Variants in CPHXL2 observed in about 807,000 individuals in gnomAD.
CPHXL2 encodes the protein cytoplasmic polyadenylated homeobox-like protein 2.
chr16:75,671,984 TTAATC>T, the CPHXL2 span, among the ~76,000 whole-genome samples: 1 of 151,898 alleles, frequency 6.6e-6, no homozygotes, highest in Non-Finnish European at 1.5e-5. Flanking sequence ...AAAAAACTCA[TTAATC>T]TAACGGGTGC....
chr16:75,665,789 G>T, the CPHXL2 span, among the ~76,000 whole-genome samples: 3 of 152,076 alleles, frequency 2.0e-5, no homozygotes, highest in African/African-American at 7.2e-5. Context: ...CACTGGAACC[G>T]GGGAGGAAGA....
the CPHXL2 span, among the ~76,000 whole-genome samples, chr16:75,662,462 T>A: frequency 6.6e-6 from 1 of 151,676 alleles, no homozygotes; most frequent in Non-Finnish European, 1.5e-5. Context: ...GGGCTGAAAG[T>A]CCCAACCCTC....
chr16:75,665,930 C>G, the CPHXL2 span, among the ~76,000 whole-genome samples: 1 of 152,148 alleles, frequency 6.6e-6, no homozygotes, highest in East Asian at 1.9e-4. Flanking sequence ...TACCTCACAT[C>G]TCAATACTAA....
chr16:75,663,255 C>T, the CPHXL2 span, among the ~76,000 whole-genome samples: 1 of 152,200 alleles, frequency 6.6e-6, no homozygotes, highest in Non-Finnish European at 1.5e-5. Context: ...CTTTGATCCA[C>T]ACACAGGATA....
the CPHXL2 span, among the ~76,000 whole-genome samples, chr16:75,667,236 C>T: frequency 2.7e-5 from 4 of 148,286 alleles, no homozygotes; most frequent in Admixed American, 6.8e-5. Flanking sequence ...TGCTTGAACC[C>T]GGGAGGTGGA....
chr16:75,664,624 T>G, the CPHXL2 span, among the ~76,000 whole-genome samples: 1 of 13,298 alleles, frequency 7.5e-5, no homozygotes, highest in African/African-American at 3.6e-4. Flanking sequence ...AAACTCCATC[T>G]CAAAAAAAAA....
At chr16:75,660,669 A>G in the CPHXL2 span, 2 of 398,464 alleles carry the variant, frequency 5.0e-6, no homozygotes, top group South Asian at 1.3e-4. Context: ...GTCTTTCTTC[A>G]CCCCGTAAGC....
the CPHXL2 span, among the ~76,000 whole-genome samples, chr16:75,662,560 A>G: frequency 1.3e-5 from 2 of 151,980 alleles, no homozygotes; most frequent in African/African-American, 4.8e-5. Context: ...AAAAAGACAT[A>G]GCTTTGGAGA....
the CPHXL2 span, among the ~76,000 whole-genome samples, chr16:75,667,759 T>G: frequency 7.9e-5 from 12 of 152,266 alleles, no homozygotes; most frequent in Admixed American, 2.0e-4. Flanking sequence ...AAATGTTCTC[T>G]TAGTATTTCC....
the CPHXL2 span, among the ~76,000 whole-genome samples, chr16:75,665,234 A>C: frequency 6.6e-6 from 1 of 152,232 alleles, no homozygotes; most frequent in African/African-American, 2.4e-5. Context: ...GCCATGAGAC[A>C]AAAGCACCAG....
chr16:75,661,050 G>A, the CPHXL2 span: 4 of 400,780 alleles, frequency 1.0e-5, no homozygotes, highest in Non-Finnish European at 1.8e-5. Flanking sequence ...CTCCAGAAGG[G>A]AGCAACCAGG....
At chr16:75,668,939 C>A in the CPHXL2 span, among the ~76,000 whole-genome samples, 1 of 152,038 alleles carries the variant, frequency 6.6e-6, no homozygotes, top group Non-Finnish European at 1.5e-5. Context: ...ATTTTGATTA[C>A]TCTCTCCCAT....
the CPHXL2 span, among the ~76,000 whole-genome samples, chr16:75,666,946 T>C: frequency 6.6e-6 from 1 of 151,992 alleles, no homozygotes; most frequent in Non-Finnish European, 1.5e-5. Context: ...ACCATGCAAA[T>C]ATATGGAAAT....
the CPHXL2 span, among the ~76,000 whole-genome samples, chr16:75,672,396 A>T: frequency 6.6e-6 from 1 of 152,142 alleles, no homozygotes; most frequent in Non-Finnish European, 1.5e-5. Flanking sequence ...ACTGTAAGAG[A>T]AGGGGCCACA....
the CPHXL2 span, among the ~76,000 whole-genome samples, chr16:75,663,021 C>T: frequency 5.9e-5 from 9 of 152,080 alleles, no homozygotes; most frequent in South Asian, 2.1e-4. Flanking sequence ...AGGATAGTCT[C>T]GATCTCCTGA....
At chr16:75,664,665 A>C in the CPHXL2 span, among the ~76,000 whole-genome samples, 1 of 151,314 alleles carries the variant, frequency 6.6e-6, no homozygotes, top group Non-Finnish European at 1.5e-5. Context: ...AACAAACAAA[A>C]CCCCAAAATC....
the CPHXL2 span, chr16:75,660,483 T>G: frequency 2.5e-6 from 1 of 398,630 alleles, no homozygotes; most frequent in Non-Finnish European, 4.4e-6. Flanking sequence ...CAGCTGTGAC[T>G]GAGCCGAGGG....
At chr16:75,676,860 T>C in the CPHXL2 span, 2 of 397,872 alleles carry the variant, frequency 5.0e-6, no homozygotes, top group Non-Finnish European at 8.9e-6. Context: ...CAGTGAATAA[T>C]ATCAAACTGA....
At chr16:75,667,280 C>T in the CPHXL2 span, among the ~76,000 whole-genome samples, 4 of 148,132 alleles carry the variant, frequency 2.7e-5, no homozygotes, top group African/African-American at 7.7e-5. Flanking sequence ...CCACTGTACT[C>T]CAGCCTGGGC....
Sources: allele counts gnomAD v4.1 joint callset (sites outside exome capture counted in the v4.1 genomes callset), GRCh38; gene constraint gnomAD v4.1.1; transcripts MANE v1.5; gene names NCBI Gene and HGNC (gene_info 2026-07-23, HGNC 2026-07-21).